VPS13B: variants seen among roughly 807,000 people sequenced by gnomAD.
The protein encoded by VPS13B is intermembrane lipid transfer protein VPS13B.
VPS13B carries 285 observed loss-of-function variants against 426.4 expected under a neutral mutation model. The observed-to-expected ratio is 0.67, with a 90% CI of 0.61 to 0.74. The LOEUF is 0.74. Among genes scored for constraint, VPS13B ranks in the 30% least tolerant of loss-of-function variants. The pLI is 0.00. For missense variants in VPS13B, 4,537 were observed against 4,782.6 expected (o/e 0.95, Z 1.51); for synonymous variants, 1,676 against 1,676.4 (o/e 1.00, Z 0.01).
chr8:99,215,285 C>T (rs1815321419), intron 17 of VPS13B, among the ~76,000 whole-genome samples: 1 of 152,130 alleles, frequency 6.6e-6, no homozygotes, highest in African/African-American at 2.4e-5. Flanking sequence ...GGAGATTAGT[C>T]TCTGTTAGTG....
intron 44 of VPS13B, among the ~76,000 whole-genome samples, chr8:99,814,978 T>G (rs1164547843): frequency 1.3e-5 from 2 of 152,088 alleles, no homozygotes; most frequent in African/African-American, 4.8e-5. Flanking sequence ...AGCAAGTTAT[T>G]AAATATCTCT....
chr8:99,026,549 T>A (rs1190731292), intron 2 of VPS13B, among the ~76,000 whole-genome samples: 1 of 152,190 alleles, frequency 6.6e-6, no homozygotes, highest in Non-Finnish European at 1.5e-5. Flanking sequence ...GGTGTTCAAG[T>A]CCCCAACTAT....
chr8:99,507,814 T>G, intron 28 of VPS13B: 1 of 1,614,054 alleles, frequency 6.2e-7, no homozygotes, highest in Non-Finnish European at 8.5e-7. Context: ...GGAGGTGTCT[T>G]CCTTTCCTGT....
intron 2 of VPS13B, among the ~76,000 whole-genome samples, chr8:99,017,889 G>T (rs779280737): frequency 1.9e-4 from 29 of 152,090 alleles, no homozygotes; most frequent in African/African-American, 6.3e-4. Context: ...TGAATCTATC[G>T]ATCAATTTTG....
chr8:99,697,492 GC>G, intron 35 of VPS13B: 1 of 739,828 alleles, frequency 1.4e-6, no homozygotes, highest in Non-Finnish European at 2.5e-6. Context: ...AGCTGAAGGA[GC>G]AGAAGTCGCT....
At chr8:99,296,074 C>T (rs1419850159) in intron 19 of VPS13B, among the ~76,000 whole-genome samples, 1 of 152,138 alleles carries the variant, frequency 6.6e-6, no homozygotes, top group African/African-American at 2.4e-5. Context: ...TTTCTATTGA[C>T]TGCATATGGC....
intron 16 of VPS13B, among the ~76,000 whole-genome samples, chr8:99,179,451 C>T (rs1250894740): frequency 6.6e-6 from 1 of 151,976 alleles, no homozygotes; most frequent in Non-Finnish European, 1.5e-5. Flanking sequence ...CTCTCTGTCC[C>T]CTCCTTCTTG....
chr8:99,800,927 C>A (rs907804848), intron 43 of VPS13B, among the ~76,000 whole-genome samples: 1 of 152,150 alleles, frequency 6.6e-6, no homozygotes, highest in Non-Finnish European at 1.5e-5. Context: ...GATACCCTGA[C>A]TTACCCAGGG....
intron 58 of VPS13B, among the ~76,000 whole-genome samples, chr8:99,864,377 C>T (rs568085194): frequency 6.6e-6 from 1 of 152,106 alleles, no homozygotes; most frequent in South Asian, 2.1e-4. Context: ...GGCAAAACCC[C>T]ATCTCTACAA....
At chr8:99,518,425 A>G (rs912939427) in intron 29 of VPS13B, among the ~76,000 whole-genome samples, 8 of 152,206 alleles carry the variant, frequency 5.3e-5, no homozygotes, top group African/African-American at 1.7e-4. Flanking sequence ...CCTCTAAGTC[A>G]TTTGAAAATA....
rs746974444 is a variant in VPS13B at position 99,511,123 on chromosome 8, A to ATGG, written c.4245_4247dup (p.Gly1416dup). The ATGG allele has an allele frequency of 6.2e-6, 10 of 1,613,170 alleles. No homozygotes were observed. In the East Asian group the frequency reaches 2.2e-4, roughly 36 times the overall value. On this transcript the variant is annotated inframe_insertion, in exon 29 of 62. Coordinates refer to ENST00000357162, the MANE Select transcript of VPS13B (RefSeq NM_152564.5). The stretch of plus-strand genomic sequence containing the variant: ...GAACAGACAACTACAAAACTTCTAG[A>ATGG]TGGCACTCATCAGCAGCATGGATTC...
chr8:99,246,735 A>G (rs1170288536), intron 17 of VPS13B, among the ~76,000 whole-genome samples: 1 of 151,992 alleles, frequency 6.6e-6, no homozygotes, highest in African/African-American at 2.4e-5. Flanking sequence ...GCCTGGTAGC[A>G]TGTGCCTGTA....
intron 19 of VPS13B, among the ~76,000 whole-genome samples, chr8:99,312,270 T>G (rs1821029676): frequency 6.6e-6 from 1 of 152,216 alleles, no homozygotes; most frequent in Non-Finnish European, 1.5e-5. Context: ...GCCTCGATGG[T>G]CTTTACAATT....
At chr8:99,519,256 C>T (rs1363479479) in intron 29 of VPS13B, among the ~76,000 whole-genome samples, 1 of 152,066 alleles carries the variant, frequency 6.6e-6, no homozygotes, top group South Asian at 2.1e-4. Flanking sequence ...AATGAGATAC[C>T]ATCTCACACC....
intron 23 of VPS13B, among the ~76,000 whole-genome samples, chr8:99,447,798 C>T (rs1028796355): frequency 6.6e-6 from 1 of 151,780 alleles, no homozygotes; most frequent in Non-Finnish European, 1.5e-5. Context: ...AGGGATCATT[C>T]AACATATTTA....
intron 16 of VPS13B, among the ~76,000 whole-genome samples, chr8:99,177,860 C>T (rs946909135): frequency 1.3e-5 from 2 of 152,132 alleles, no homozygotes; most frequent in African/African-American, 2.4e-5. Context: ...GACTTTTCCT[C>T]AGTATTTGGC....
intron 23 of VPS13B, among the ~76,000 whole-genome samples, chr8:99,457,651 T>G (rs1213876737): frequency 1.3e-5 from 2 of 152,164 alleles, no homozygotes; most frequent in Non-Finnish European, 2.9e-5. Flanking sequence ...TTTATCTTAT[T>G]ATTTCTCATC....
chr8:99,528,520 G>A (rs2133688623), intron 30 of VPS13B, among the ~76,000 whole-genome samples: 1 of 152,126 alleles, frequency 6.6e-6, no homozygotes, highest in South Asian at 2.1e-4. Flanking sequence ...TAATTTCATT[G>A]TAGTTCTGAT....
chr8:99,262,702 C>A (rs536573614), intron 17 of VPS13B, among the ~76,000 whole-genome samples: 2 of 152,136 alleles, frequency 1.3e-5, no homozygotes, highest in African/African-American at 2.4e-5. Context: ...TATAGTTACA[C>A]TCTCCTGTGA....
Sources: allele counts gnomAD v4.1 joint callset (sites outside exome capture counted in the v4.1 genomes callset), GRCh38; gene constraint gnomAD v4.1.1; transcripts MANE v1.5; gene names NCBI Gene and HGNC (gene_info 2026-07-23, HGNC 2026-07-21).